SEM1: variants seen among roughly 807,000 people sequenced by gnomAD.
The protein encoded by SEM1 is SEM1 26S proteasome subunit, also known as 26S proteasome complex subunit SEM1.
A neutral mutation model predicts 12.7 loss-of-function variants in SEM1; 3 were observed. The ratio of observed to expected loss-of-function variants is 0.24; its 90% confidence interval spans 0.11 to 0.61. SEM1 has a LOEUF of 0.61. Ranked by LOEUF, SEM1 falls within the 20% of genes least tolerant of loss-of-function variation. SEM1 has a pLI of 0.88. For synonymous variants in SEM1, 30 were observed against 27.8 expected (o/e 1.08, Z -0.25); for missense variants, 59 against 81.3 (o/e 0.73, Z 1.06).
At chr7:96,482,458 C>T (rs1229162911) in exon 4 of SEM1, 2 of 152,180 alleles carry the variant, frequency 1.3e-5, no homozygotes, top group Non-Finnish European at 2.9e-5. Context: ...GGAGAAACTA[C>T]TGCTAACATT....
intron 2 of SEM1, among the ~76,000 whole-genome samples, chr7:96,575,438 T>C (rs1241327750): frequency 6.6e-6 from 1 of 152,150 alleles, no homozygotes; most frequent in African/African-American, 2.4e-5. Context: ...ACAGGAGGCA[T>C]GGGGGTCAGG....
Position 96,694,827 on chromosome 7 carries a change from A to G in SEM1, c.141T>C (p.Asn47=). ...HVWEDNWDDD[N]VEDDFSNQLR... is the part of the protein sequence containing the mutation. ...ACTGATTAGAGAAGTCATCCTCTAC[A>G]TTGTCATCATCCCAATTATCCTCCC... Residue 47 remains asparagine, a synonymous_variant, in exon 2 of 3, where the codon AAT becomes AAC. Coordinates refer to ENST00000248566, the MANE Select transcript of SEM1 (RefSeq NM_006304.2). The G allele has an allele frequency of 1.2e-6, 2 of 1,611,166 alleles. No homozygotes were observed. Among genetic ancestry groups the G allele is most frequent in the South Asian group, 1.1e-5 (1 of 90,864 alleles).
intron 2 of SEM1, among the ~76,000 whole-genome samples, chr7:96,680,570 ATCC>A (rs1200442525): frequency 1.3e-5 from 2 of 152,082 alleles, no homozygotes; most frequent in Non-Finnish European, 2.9e-5. Flanking sequence ...TCTAAATATT[ATCC>A]TCATCAGTGA....
At chr7:96,501,699 T>C (rs1261519997) in intron 3 of SEM1, among the ~76,000 whole-genome samples, 2 of 152,154 alleles carry the variant, frequency 1.3e-5, no homozygotes, top group African/African-American at 4.8e-5. Flanking sequence ...GTGCAAAACA[T>C]ACTAAGTGCT....
chr7:96,652,829 G>A (rs923140715), intron 2 of SEM1, among the ~76,000 whole-genome samples: 11 of 152,226 alleles, frequency 7.2e-5, no homozygotes, highest in South Asian at 4.1e-4. Context: ...GTCTGTGAAC[G>A]GAATAAAAAT....
chr7:96,547,926 T>C (rs1349519854), intron 2 of SEM1, among the ~76,000 whole-genome samples: 1 of 152,154 alleles, frequency 6.6e-6, no homozygotes, highest in Non-Finnish European at 1.5e-5. Context: ...AGGCCATTTG[T>C]ACCACTGGAA....
At chr7:96,681,307 G>GT (rs982855743) in intron 2 of SEM1, among the ~76,000 whole-genome samples, 5 of 152,082 alleles carry the variant, frequency 3.3e-5, no homozygotes, top group African/African-American at 4.8e-5. Context: ...ACAATGCGGT[G>GT]TTTTTTCTAG....
chr7:96,668,245 A>G (rs1204548567), intron 2 of SEM1, among the ~76,000 whole-genome samples: 1 of 152,142 alleles, frequency 6.6e-6, no homozygotes, highest in Non-Finnish European at 1.5e-5. Context: ...CCTCTTTAGT[A>G]TTGTTTTGTA....
At position 96,709,775 on chromosome 7, in the gene SEM1, G is replaced by A. The variant is rs750139356; in HGVS notation, c.-12C>T. 6.2e-7 allele frequency: 1 copy of A among 1,613,360 alleles called. No homozygotes were observed. The highest frequency in any genetic ancestry group is 2.2e-5 in the East Asian group (1 of 44,792). On this transcript the variant is annotated 5_prime_UTR_variant, in exon 1 of 3. Coordinates refer to ENST00000248566, the MANE Select transcript of SEM1 (RefSeq NM_006304.2). ...TTTTTCTCTGACATCTCGACTGTCC[G>A]CGCCCAACACCTCCCAGATAAGCAG...
chr7:96,507,592 AG>A (rs2117286950), intron 2 of SEM1, among the ~76,000 whole-genome samples: 1 of 152,174 alleles, frequency 6.6e-6, no homozygotes, highest in Non-Finnish European at 1.5e-5. Context: ...GCTCTTTCTA[AG>A]GGGGAAGAAT....
At chr7:96,666,528 TATG>T (rs1273948685) in intron 2 of SEM1, among the ~76,000 whole-genome samples, 4 of 152,306 alleles carry the variant, frequency 2.6e-5, no homozygotes, top group South Asian at 4.1e-4. Context: ...GTAGCTGTAG[TATG>T]ATATTATAAT....
intron 2 of SEM1, among the ~76,000 whole-genome samples, chr7:96,593,280 C>A (rs1806891536): frequency 6.6e-6 from 1 of 151,910 alleles, no homozygotes; most frequent in South Asian, 2.1e-4. Context: ...TGCTTGATGG[C>A]AACTCAAATC....
intron 2 of SEM1, among the ~76,000 whole-genome samples, chr7:96,678,218 A>G (rs1367226157): frequency 1.3e-5 from 2 of 152,122 alleles, no homozygotes; most frequent in African/African-American, 2.4e-5. Context: ...TCATTTCTTG[A>G]TTCTGCCCAA....
intron 2 of SEM1, among the ~76,000 whole-genome samples, chr7:96,552,951 A>T (rs879731605): frequency 2.7e-5 from 4 of 150,854 alleles, no homozygotes; most frequent in Admixed American, 2.0e-4. Flanking sequence ...GCCAGTGATG[A>T]TGAGCATTTT....
intron 2 of SEM1, among the ~76,000 whole-genome samples, chr7:96,512,205 T>C (rs1803956055): frequency 6.6e-6 from 1 of 152,016 alleles, no homozygotes; most frequent in African/African-American, 2.4e-5. Flanking sequence ...GGAAAATTAA[T>C]TGAGTTTTGA....
chr7:96,524,634 TTTAA>T (rs1402199113), intron 2 of SEM1, among the ~76,000 whole-genome samples: 5 of 151,944 alleles, frequency 3.3e-5, no homozygotes, highest in South Asian at 2.1e-4. Context: ...ATTACTTTTA[TTTAA>T]TTAATATATT....
intron 2 of SEM1, chr7:96,653,565 A>G (rs1809071021): frequency 6.6e-6 from 1 of 152,288 alleles, no homozygotes; most frequent in Non-Finnish European, 1.5e-5. Flanking sequence ...CAGGAGGGCA[A>G]ATGGACTTAC....
chr7:96,546,306 T>A (rs535998789), intron 2 of SEM1, among the ~76,000 whole-genome samples: 1 of 152,192 alleles, frequency 6.6e-6, no homozygotes, highest in East Asian at 1.9e-4. Flanking sequence ...CAGTAAAATT[T>A]AAAAATGCTA....
At chr7:96,483,097 A>G (rs1802609813) in exon 4 of SEM1, 2 of 152,218 alleles carry the variant, frequency 1.3e-5, no homozygotes, top group Admixed American at 1.3e-4. Flanking sequence ...ACTACCATTT[A>G]CTGAGGATAT....
Sources: gnomAD v4.1 joint callset for allele counts (sites outside exome capture counted in the v4.1 genomes callset) on GRCh38, gnomAD v4.1.1 for gene constraint, MANE v1.5 for transcripts, NCBI Gene and HGNC (gene_info 2026-07-23, HGNC 2026-07-21) for gene names.